The following AKAP1 variants were observed in gnomAD, a reference collection of about 807,000 sequenced individuals.
The protein encoded by AKAP1 is A-kinase anchor protein 1, mitochondrial.
Under a neutral mutation model 79.8 loss-of-function variants are expected in AKAP1, and 32 were observed. The observed-to-expected ratio is 0.40, with a 90% CI of 0.30 to 0.54. AKAP1 has a LOEUF of 0.54. Among genes scored for constraint, AKAP1 ranks in the 20% least tolerant of loss-of-function variants. The probability of loss-of-function intolerance (pLI) is 0.47; values close to 1 mark genes in which losing one functional copy is unlikely to be tolerated. For synonymous variants in AKAP1, 416 were observed against 466.7 expected (o/e 0.89, Z 1.40); for missense variants, 961 against 1,138.9 (o/e 0.84, Z 2.25).
At position 57,118,964 on chromosome 17, in the gene AKAP1, T is replaced by C. The variant is rs777017144; in HGVS notation, c.2575-18T>C. The C allele has an allele frequency of 6.2e-7, 1 of 1,612,740 alleles. No homozygotes were observed. The highest frequency in any genetic ancestry group is 8.5e-7 in the Non-Finnish European group (1 of 1,178,828). On this transcript the variant is annotated intron_variant, in intron 9 of 10. Coordinates refer to ENST00000337714, the MANE Select transcript of AKAP1 (RefSeq NM_003488.4). ...CACAAAACCTAACCATATTATTCTT[T>C]CCACCCCCCTTCTTCAGGTGACAAG...
chr17:57,112,057 T>G, intron 4 of AKAP1, 133 bp downstream of exon 4: 1 of 1,211,798 alleles, frequency 8.3e-7, no homozygotes, highest in Non-Finnish European at 1.1e-6. Flanking sequence ...GAGCATTAGG[T>G]ATCTTCCCTG....
At chr17:57,105,416 C>T (rs763258201) in intron 1 of AKAP1, 25 bp from the exon 2 acceptor site, 44 of 1,607,552 alleles carry the variant, frequency 2.7e-5, no homozygotes, top group African/African-American at 6.7e-5. Flanking sequence ...AACATCCCTC[C>T]TCCCCGCTCT....
chr17:57,111,979 G>A, intron 4 of AKAP1, 55 bp downstream of exon 4: 1 of 1,579,810 alleles, frequency 6.3e-7, no homozygotes, highest in Admixed American at 1.8e-5. Context: ...AAATAGAAGT[G>A]AATAGCATCT....
rs781062994 is a variant in AKAP1, at chr17:57,106,315, C to T, written c.851C>T (p.Ala284Val). ...CACACAGAGCTGGCAAAGGACGATG[C>T]GGCGCCAGCACCCCCAGTCGCAGAC... ...SAHTELAKDD[A>V]APAPPVADAK... The change falls in exon 2 of 11, where the codon GCG (alanine) becomes GTG (valine). Residue 284 changes from alanine to valine, a missense_variant. Ala to Val is a moderately conservative substitution (Grantham distance 64). This residue lies in a region of AKAP1 where 224 missense variants were observed against 210.2 expected (regional missense o/e 1.07). Transcript: ENST00000337714. 66 of 1,614,010 alleles carry T rather than the reference C, an allele frequency of 4.1e-5. No individual in the cohort carries two copies. Among genetic ancestry groups the T allele is most frequent in the East Asian group, 3.8e-4 (17 of 44,888 alleles).
rs1915717246 is a variant in AKAP1 at position 57,118,390 on chromosome 17, A to G, written c.2510A>G (p.Gln837Arg). ...CCTTTTCCTCCTGAAGACGATGACC[A>G]GTTTTCACCGGAAGCAGATGCCGCC... is the stretch of plus-strand genomic sequence containing the variant. The part of the protein sequence containing the change: ...DSVMPLSDDD[Q>R]FSPEADAAMS... The change falls in exon 9 of 11, where the codon CAG (glutamine) becomes CGG (arginine). Residue 837 changes from glutamine (Q) to arginine (R), a missense_variant. Coordinates refer to ENST00000337714, the MANE Select transcript of AKAP1 (RefSeq NM_003488.4). 3 of 1,613,752 alleles carry G rather than the reference A, an allele frequency of 1.9e-6. No homozygotes were observed. The highest frequency in any genetic ancestry group is 1.6e-4 in the Middle Eastern group (1 of 6,084).
In AKAP1 at chr17:57,110,118, A is replaced by T; in HGVS notation, c.1808A>T (p.Lys603Met). ...FQNAQAGSNPKKVDLIIWEIE... is the reference protein window; with the variant it reads ...FQNAQAGSNPMKVDLIIWEIE... Reference sequence around the variant, plus strand: ...AATGCCCAGGCAGGCTCCAACCCTAAGAAGGTCGACCTCATCATCTGGGAG... The same window carrying T: ...AATGCCCAGGCAGGCTCCAACCCTATGAAGGTCGACCTCATCATCTGGGAG... The change falls in exon 3 of 11, where the codon AAG becomes ATG. Residue 603 changes from lysine to methionine, a missense_variant. Lys to Met is a moderately conservative substitution (Grantham distance 95). This residue lies in a region of AKAP1 where 629 missense variants were observed against 781.1 expected (regional missense o/e 0.81). Transcript: ENST00000337714. The T allele has an allele frequency of 6.2e-7, 1 of 1,614,142 alleles. No homozygotes were observed. Among genetic ancestry groups the T allele is most frequent in the Non-Finnish European group, 8.5e-7 (1 of 1,180,012 alleles).
intron 1 of AKAP1, among the ~76,000 whole-genome samples, chr17:57,091,275 C>T (rs908955654): frequency 3.3e-5 from 5 of 151,642 alleles, no homozygotes; most frequent in African/African-American, 9.8e-5. Flanking sequence ...TGGTGTGGCT[C>T]ACCTGGCCAA....
chr17:57,107,796 A>G (rs1358076290), intron 2 of AKAP1: 1 of 418,048 alleles, frequency 2.4e-6, no homozygotes, highest in Non-Finnish European at 4.7e-6. Flanking sequence ...GCTTGTTCCC[A>G]TGTCTTCACC....
At chr17:57,120,064 G>A (rs1271852381) in intron 10 of AKAP1, among the ~76,000 whole-genome samples, 186 bp from the exon 11 acceptor site, 1 of 151,918 alleles carries the variant, frequency 6.6e-6, no homozygotes, top group Non-Finnish European at 1.5e-5. Context: ...GACCTCAGGT[G>A]ATCCACCTGC....
At chr17:57,101,083 G>T (rs917925) in intron 1 of AKAP1, among the ~76,000 whole-genome samples, 62,865 of 152,112 alleles carry the variant, frequency 0.41, 13,594 homozygotes, top group East Asian at 0.79. Context: ...TAGAATAGGT[G>T]TAGGGAGACT....
chr17:57,107,557 G>A (rs977250446), intron 2 of AKAP1, among the ~76,000 whole-genome samples: 1 of 152,080 alleles, frequency 6.6e-6, no homozygotes, highest in South Asian at 2.1e-4. Context: ...GGCTGGTCTC[G>A]CACTCCTGGG....
At chr17:57,100,505 T>C (rs1455473045) in intron 1 of AKAP1, among the ~76,000 whole-genome samples, 1 of 151,926 alleles carries the variant, frequency 6.6e-6, no homozygotes, top group Non-Finnish European at 1.5e-5. Flanking sequence ...TAATCCCAGC[T>C]ACTTGGGAGG....
intron 1 of AKAP1, among the ~76,000 whole-genome samples, chr17:57,088,205 C>T (rs550584445): frequency 2.0e-5 from 3 of 152,268 alleles, no homozygotes; most frequent in Admixed American, 2.0e-4. Flanking sequence ...TGTAATACCT[C>T]AGGCAGTTTT....
intron 1 of AKAP1, among the ~76,000 whole-genome samples, chr17:57,091,864 AT>A (rs910227571): frequency 6.6e-6 from 1 of 151,472 alleles, no homozygotes; most frequent in African/African-American, 2.4e-5. Flanking sequence ...AGTTAAAAAA[AT>A]TTTTTTTGTA....
chr17:57,115,603 AGGCAAAGGCTAGAAGAAG>A (rs1377522098), intron 6 of AKAP1, among the ~76,000 whole-genome samples: 2 of 152,150 alleles, frequency 1.3e-5, no homozygotes, highest in African/African-American at 4.8e-5. Context: ...CACCTTCCAG[AGGCAAAGGCTAGAAGAAG>A]GGGGTTTAGG....
In AKAP1 at chr17:57,120,397, C is replaced by T; in HGVS notation, c.*73C>T. On this transcript the variant is annotated 3_prime_UTR_variant, in exon 11 of 11. Transcript: ENST00000337714. ...GCTTGGCACTCAAGTCAAAGATGAA[C>T]ATCGGAATAACAAACATTGTCCTCT... 7.5e-7 allele frequency: 1 copy of T among 1,331,200 alleles called. No homozygotes were observed. Among genetic ancestry groups the T allele is most frequent in the Non-Finnish European group, 1.1e-6 (1 of 940,140 alleles). The allele number at this position is 1,331,200 out of a possible 1,614,324, so 82.5% of individuals were successfully genotyped here.
At chr17:57,098,911 G>A (rs970829424) in intron 1 of AKAP1, among the ~76,000 whole-genome samples, 58 of 147,016 alleles carry the variant, frequency 3.9e-4, no homozygotes, top group Non-Finnish European at 7.2e-4. Context: ...ACAGGTGCCC[G>A]CCACCAAGCC....
chr17:57,106,184 G>T lies in AKAP1; in HGVS notation c.720G>T (p.Glu240Asp), dbSNP rs139907145. Reference sequence around the variant, plus strand: ...AGGGCCCCAGCCTGGCCTCTTTAGAGGGGGAAGAAGATAAGGGGAAGAGCA... The same window carrying T: ...AGGGCCCCAGCCTGGCCTCTTTAGATGGGGAAGAAGATAAGGGGAAGAGCA... ...NSKGPSLASL[E>D]GEEDKGKSSS... The change falls in exon 2 of 11, where the codon GAG becomes GAT. Residue 240 changes from glutamate to aspartate, a missense_variant. Physicochemically the swap from Glu to Asp is conservative, Grantham distance 45. Around this residue, in one of 3 missense-constraint regions of AKAP1, gnomAD observed 224 missense variants for 210.2 expected, o/e 1.07. Coordinates refer to ENST00000337714, the MANE Select transcript of AKAP1 (RefSeq NM_003488.4). The T allele has an allele frequency of 4.3e-6, 7 of 1,614,126 alleles. No individual in the cohort carries two copies. The highest frequency in any genetic ancestry group is 5.9e-6 in the Non-Finnish European group (7 of 1,180,016).
intron 6 of AKAP1, 148 bp downstream of exon 6, chr17:57,114,784 T>A (rs1831498857): frequency 1.1e-6 from 1 of 937,404 alleles, no homozygotes; most frequent in South Asian, 1.7e-5. Context: ...GGGGTGGGTT[T>A]CCTGGCAAGG....
Sources: gnomAD v4.1 joint callset for allele counts (sites outside exome capture counted in the v4.1 genomes callset) on GRCh38, gnomAD v4.1.1 for gene constraint, gnomAD v4.1.1 regional missense constraint, MANE v1.5 for transcripts, NCBI Gene and HGNC (gene_info 2026-07-23, HGNC 2026-07-21) for gene names.